The following PDCL2 variants were observed in gnomAD, a reference collection of about 807,000 sequenced individuals.
PDCL2 encodes the protein phosducin like 2.
A neutral mutation model predicts 30.3 loss-of-function variants in PDCL2; 23 were observed. The observed-to-expected ratio is 0.76, with a 90% CI of 0.55 to 1.08. PDCL2 has a LOEUF of 1.08. Ranked by LOEUF, PDCL2 falls within the 50% of genes least tolerant of loss-of-function variation. The pLI, the probability that PDCL2 is intolerant of heterozygous loss-of-function variation, is 0.00. For synonymous variants in PDCL2, 68 were observed against 86.2 expected, an observed-to-expected ratio of 0.79 and a Z score of 1.17; for missense variants, 243 against 282.3, an observed-to-expected ratio of 0.86 and a Z score of 1.00.
chr4:55,577,618 A>G (rs936642533), intron 3 of PDCL2, among the ~76,000 whole-genome samples: 1 of 152,306 alleles, frequency 6.6e-6, no homozygotes, highest in Admixed American at 6.5e-5. Context: ...AATTCCAAGT[A>G]TGTTTGTGTC....
At chr4:55,561,607 G>A (rs926305574) in intron 5 of PDCL2, among the ~76,000 whole-genome samples, 2 of 151,958 alleles carry the variant, frequency 1.3e-5, no homozygotes, top group African/African-American at 4.8e-5. Context: ...ACCGAAAACA[G>A]CCACTCATGA....
intron 3 of PDCL2, among the ~76,000 whole-genome samples, chr4:55,573,844 G>C (rs1436706717): frequency 6.7e-6 from 1 of 148,644 alleles, no homozygotes; most frequent in African/African-American, 2.5e-5. Context: ...TTTTTATCAA[G>C]TAAAAAAAAA....
intron 1 of PDCL2, among the ~76,000 whole-genome samples, chr4:55,582,611 CT>C (rs1203086312): frequency 6.6e-6 from 1 of 151,938 alleles, no homozygotes; most frequent in South Asian, 2.1e-4. Context: ...TTCCTTTTTT[CT>C]TTTTTTTATT....
intron 4 of PDCL2, among the ~76,000 whole-genome samples, chr4:55,565,670 GAT>G (rs1732243950): frequency 6.6e-6 from 1 of 152,114 alleles, no homozygotes; most frequent in Non-Finnish European, 1.5e-5. Flanking sequence ...CCATATCAAG[GAT>G]CATTTTCTAC....
chr4:55,587,875 T>C (rs995590954), intron 1 of PDCL2, among the ~76,000 whole-genome samples: 6 of 151,668 alleles, frequency 4.0e-5, no homozygotes, highest in East Asian at 3.9e-4. Context: ...TTCATTCTCT[T>C]GATAATATCC....
chr4:55,580,988 C>A, intron 2 of PDCL2, 77 bp from the exon 3 acceptor site: 1 of 1,034,104 alleles, frequency 9.7e-7, no homozygotes, highest in Non-Finnish European at 1.4e-6. Context: ...AGAAAAAAAC[C>A]GTCTTATACA....
intron 3 of PDCL2, among the ~76,000 whole-genome samples, chr4:55,580,388 T>C (rs1368926272): frequency 6.6e-6 from 1 of 152,178 alleles, no homozygotes; most frequent in East Asian, 1.9e-4. Context: ...GTTCATACAT[T>C]TCCCAACTTA....
chr4:55,588,737 T>A (rs1184273081), intron 1 of PDCL2, among the ~76,000 whole-genome samples: 1 of 152,168 alleles, frequency 6.6e-6, no homozygotes, highest in Non-Finnish European at 1.5e-5. Flanking sequence ...TGAAAAAAAA[T>A]TAACTGTTGC....
chr4:55,590,645 T>C (rs1732976610), intron 1 of PDCL2, among the ~76,000 whole-genome samples: 1 of 138,132 alleles, frequency 7.2e-6, no homozygotes, highest in Admixed American at 7.8e-5. Context: ...TGCCACAATG[T>C]CCAGCTAATT....
At chr4:55,556,780 C>A (rs1731979763) in intron 5 of PDCL2, 69 bp from the exon 6 acceptor site, 3 of 1,209,078 alleles carry the variant, frequency 2.5e-6, no homozygotes, top group South Asian at 1.8e-5. Context: ...CTATATGAAA[C>A]AAGAGTTGAC....
At chr4:55,565,147 G>A (rs1399846013) in intron 4 of PDCL2, among the ~76,000 whole-genome samples, 2 of 152,088 alleles carry the variant, frequency 1.3e-5, no homozygotes, top group Admixed American at 1.3e-4. Context: ...AATTACTCCT[G>A]CAGGTAACAA....
chr4:55,578,531 G>T (rs1488153155), intron 3 of PDCL2, among the ~76,000 whole-genome samples: 1 of 151,874 alleles, frequency 6.6e-6, no homozygotes, highest in Non-Finnish European at 1.5e-5. Context: ...CTTTGATTAG[G>T]TAGAGATGTA....
intron 5 of PDCL2, among the ~76,000 whole-genome samples, chr4:55,558,360 A>T (rs1006235750): frequency 6.6e-6 from 1 of 152,008 alleles, no homozygotes; most frequent in Non-Finnish European, 1.5e-5. Context: ...TTCTCATAAG[A>T]TCTGATGGTT....
At chr4:55,583,622 ATTC>A (rs1426767218) in intron 1 of PDCL2, among the ~76,000 whole-genome samples, 1 of 152,136 alleles carries the variant, frequency 6.6e-6, no homozygotes, top group African/African-American at 2.4e-5. Flanking sequence ...GTCCAATTTA[ATTC>A]TTCTATATGT....
intron 3 of PDCL2, among the ~76,000 whole-genome samples, chr4:55,576,875 A>C (rs1732582457): frequency 6.6e-6 from 1 of 150,828 alleles, no homozygotes; most frequent in Non-Finnish European, 1.5e-5. Context: ...ACAAATTTTA[A>C]AAAAAGCATG....
chr4:55,563,716 A>G (rs1732192033), intron 4 of PDCL2, among the ~76,000 whole-genome samples: 1 of 152,232 alleles, frequency 6.6e-6, no homozygotes, highest in Admixed American at 6.5e-5. Flanking sequence ...TCTTGAGGCT[A>G]CAGAAAGAAT....
intron 5 of PDCL2, among the ~76,000 whole-genome samples, chr4:55,560,329 C>T (rs1732101161): frequency 6.6e-6 from 1 of 152,138 alleles, no homozygotes; most frequent in Admixed American, 6.6e-5. Flanking sequence ...AGCAAACAGG[C>T]CAGGCTTGGT....
chr4:55,563,007 T>C (rs1732174861), intron 4 of PDCL2, among the ~76,000 whole-genome samples: 1 of 152,172 alleles, frequency 6.6e-6, no homozygotes. Flanking sequence ...CATGAGCTTC[T>C]TTCCATGTAA....
rs111330552 is a variant in PDCL2 at position 55,592,165 on chromosome 4, A to T, written c.-56T>A. Reference sequence around the variant, plus strand: ...GTCGTCCTGCAGCTGGCGAGGCGCCACGGATGGAGACCCGCAGCCTTCTCC... The same window carrying T: ...GTCGTCCTGCAGCTGGCGAGGCGCCTCGGATGGAGACCCGCAGCCTTCTCC... On this transcript the variant is annotated 5_prime_UTR_variant, in exon 1 of 6. Coordinates refer to ENST00000295645, the MANE Select transcript of PDCL2 (RefSeq NM_152401.3). 109,283 of 1,595,784 alleles carry T rather than the reference A, an allele frequency of 0.068. 4,276 individuals carry two copies. The highest frequency in any genetic ancestry group is 0.08 in the Non-Finnish European group (93,773 of 1,171,778).
Sources: allele counts gnomAD v4.1 joint callset (sites outside exome capture counted in the v4.1 genomes callset), GRCh38; gene constraint gnomAD v4.1.1; transcripts MANE v1.5; gene names NCBI Gene and HGNC (gene_info 2026-07-23, HGNC 2026-07-21).